The following MAGI2 variants were observed in gnomAD, a reference collection of about 807,000 sequenced individuals.
The protein encoded by MAGI2 is membrane associated guanylate kinase, WW and PDZ domain containing 2.
Under a neutral mutation model 133.3 loss-of-function variants are expected in MAGI2, and 35 were observed. The observed-to-expected ratio is 0.26, with a 90% CI of 0.20 to 0.35. The LOEUF is 0.35. MAGI2 is among the 10% of genes least tolerant of loss of function. The pLI is 1.00. For synonymous variants in MAGI2, 729 were observed against 710.6 expected (o/e 1.03, Z -0.41); for missense variants, 1,636 against 1,863.4 (o/e 0.88, Z 2.25).
intron 2 of MAGI2, among the ~76,000 whole-genome samples, chr7:78,934,693 GA>G (rs1280420513): frequency 6.6e-6 from 1 of 152,024 alleles, no homozygotes; most frequent in African/African-American, 2.4e-5. Context: ...GTTTAGATTT[GA>G]GTCCTTTCCC....
chr7:78,495,808 G>T (rs1376650506), intron 5 of MAGI2, among the ~76,000 whole-genome samples: 1 of 152,086 alleles, frequency 6.6e-6, no homozygotes, highest in African/African-American at 2.4e-5. Flanking sequence ...TTGTGGATGT[G>T]TATTGCACAC....
At chr7:78,758,414 C>T (rs1824173502) in intron 2 of MAGI2, among the ~76,000 whole-genome samples, 1 of 152,138 alleles carries the variant, frequency 6.6e-6, no homozygotes, top group Non-Finnish European at 1.5e-5. Context: ...TTCAAAGCCT[C>T]AAATTCACAG....
intron 2 of MAGI2, among the ~76,000 whole-genome samples, chr7:78,936,522 T>A (rs1265901608): frequency 1.3e-5 from 2 of 152,000 alleles, no homozygotes; most frequent in Non-Finnish European, 2.9e-5. Context: ...CATTTTCAAC[T>A]AATATATTTG....
At chr7:79,122,407 T>C (rs549919697) in intron 1 of MAGI2, among the ~76,000 whole-genome samples, 2 of 152,238 alleles carry the variant, frequency 1.3e-5, no homozygotes, top group Middle Eastern at 3.4e-3. Context: ...CACTGTCAAC[T>C]CTTGAAAATT....
chr7:78,923,918 T>G lies in MAGI2; in HGVS notation c.418+83172A>C, dbSNP rs534343305. ...TTGAAGAGGTCTTTCACGTCCCTTG[T>G]AAGTTGGGTTCCTAAGTATTTTATT... On this transcript the variant is annotated intron_variant, in intron 2 of 21. Coordinates refer to ENST00000354212, the MANE Select transcript of MAGI2 (RefSeq NM_012301.4). Among the ~76,000 whole-genome samples, 4 of 152,312 alleles carry G rather than the reference T, an allele frequency of 2.6e-5. No homozygotes were observed. The East Asian group carries it at 7.7e-4, about 29-fold the overall frequency.
chr7:78,656,984 C>A (rs1812360674), intron 2 of MAGI2, among the ~76,000 whole-genome samples: 2 of 141,570 alleles, frequency 1.4e-5, no homozygotes, highest in Non-Finnish European at 1.6e-5. Flanking sequence ...ACATAAAACC[C>A]AGTATAAAAA....
At chr7:78,164,239 C>T (rs932139197) in intron 15 of MAGI2, among the ~76,000 whole-genome samples, 3 of 151,332 alleles carry the variant, frequency 2.0e-5, no homozygotes, top group African/African-American at 7.3e-5. Context: ...TTGCCTGCTT[C>T]CAGGATGTGC....
At position 78,019,426 on chromosome 7, in the gene MAGI2, CG is replaced by C; in HGVS notation, c.4256del (p.Pro1419ArgfsTer55). ...RAGPRPGPRP[P>X]GGAPARKAAV... The stretch of plus-strand genomic sequence containing the variant: ...CGGCCTTGCGCGCCGGGGCGCCCCC[CG>C]GGGGTCGCGGGCCCGGCCGGGGACC... On this transcript the variant is annotated frameshift_variant, in exon 22 of 22. Coordinates refer to ENST00000354212, the MANE Select transcript of MAGI2 (RefSeq NM_012301.4). LOFTEE classifies it high-confidence loss of function. The C allele has an allele frequency of 9.5e-7, 1 of 1,050,500 alleles. No individual in the cohort carries two copies. Among genetic ancestry groups the C allele is most frequent in the Admixed American group, 5.6e-5 (1 of 17,782 alleles). 65.1% of individuals were successfully genotyped at this position (1,050,500 alleles called of 1,614,324 possible).
At position 78,692,237 on chromosome 7, in the gene MAGI2, C is replaced by T. The variant is rs1032024883; in HGVS notation, c.419-64998G>A. On this transcript the variant is annotated intron_variant, in intron 2 of 21. Transcript: ENST00000354212. Reference sequence around the variant, plus strand: ...ATATGTAATCATGTTTGTAAATAAACATACAAATGAAACTATGAGTGTGTA... The same window carrying T: ...ATATGTAATCATGTTTGTAAATAAATATACAAATGAAACTATGAGTGTGTA... Among the ~76,000 whole-genome samples, 6 of 152,066 alleles carry T rather than the reference C, an allele frequency of 3.9e-5. No homozygotes were observed. In the East Asian group the frequency reaches 5.8e-4, roughly 15 times the overall value.
At chr7:78,597,387 C>T (rs1804728882) in intron 3 of MAGI2, among the ~76,000 whole-genome samples, 1 of 141,492 alleles carries the variant, frequency 7.1e-6, no homozygotes, top group South Asian at 2.2e-4. Flanking sequence ...GGGGGGGGGT[C>T]TTATAAATAA....
At chr7:79,004,672 A>T (rs1404322750) in intron 2 of MAGI2, among the ~76,000 whole-genome samples, 2 of 152,228 alleles carry the variant, frequency 1.3e-5, no homozygotes, top group African/African-American at 4.8e-5. Context: ...CCTTGACTTG[A>T]TCATTACACA....
At chr7:78,838,831 C>T (rs1791881927) in intron 2 of MAGI2, among the ~76,000 whole-genome samples, 1 of 151,892 alleles carries the variant, frequency 6.6e-6, no homozygotes, top group Admixed American at 6.6e-5. Context: ...AATTGTTTCC[C>T]TGTTAAGCAA....
At chr7:79,244,532 C>T (rs1832680714) in intron 1 of MAGI2, among the ~76,000 whole-genome samples, 1 of 152,132 alleles carries the variant, frequency 6.6e-6, no homozygotes, top group Non-Finnish European at 1.5e-5. Context: ...GAGCAGAAGT[C>T]AGTGGATGCC....
At chr7:79,311,272 C>A (rs1276819831) in intron 1 of MAGI2, among the ~76,000 whole-genome samples, 1 of 152,106 alleles carries the variant, frequency 6.6e-6, no homozygotes, top group Non-Finnish European at 1.5e-5. Context: ...CTTCCCTGGG[C>A]CACCTTGGAA....
intron 21 of MAGI2, among the ~76,000 whole-genome samples, chr7:78,044,707 ACG>A (rs1205985811): frequency 1.4e-3 from 185 of 131,210 alleles, no homozygotes; most frequent in African/African-American, 4.7e-3. Context: ...GTGTGTGTGC[ACG>A]TGTGCACACG....
At chr7:79,050,614 C>T (rs1276406146) in intron 1 of MAGI2, among the ~76,000 whole-genome samples, 1 of 152,146 alleles carries the variant, frequency 6.6e-6, no homozygotes, top group Non-Finnish European at 1.5e-5. Context: ...AACTCCTGGC[C>T]TCAAGGGATC....
At chr7:78,203,313 C>T (rs543757324) in intron 10 of MAGI2, among the ~76,000 whole-genome samples, 1 of 152,304 alleles carries the variant, frequency 6.6e-6, no homozygotes, top group East Asian at 1.9e-4. Flanking sequence ...CTCTCATCTC[C>T]ACATGAGACG....
chr7:78,704,248 G>A (rs78363798), intron 2 of MAGI2, among the ~76,000 whole-genome samples: 1 of 152,002 alleles, frequency 6.6e-6, no homozygotes, highest in African/African-American at 2.4e-5. Flanking sequence ...CCATTAAAAA[G>A]TGAGCAAAAA....
chr7:79,001,194 C>T (rs535552735), intron 2 of MAGI2, among the ~76,000 whole-genome samples: 4 of 152,254 alleles, frequency 2.6e-5, no homozygotes, highest in South Asian at 2.1e-4. Context: ...GGATTACAGG[C>T]GTGAGCCACC....
Sources: allele counts gnomAD v4.1 joint callset (sites outside exome capture counted in the v4.1 genomes callset), GRCh38; gene constraint gnomAD v4.1.1; transcripts MANE v1.5; gene names NCBI Gene and HGNC (gene_info 2026-07-23, HGNC 2026-07-21).